CALN1: variants seen among roughly 807,000 people sequenced by gnomAD.
CALN1 encodes the protein calneuron 1.
CALN1 carries 17 observed loss-of-function variants against 30.6 expected under a neutral mutation model. The observed-to-expected ratio is 0.56, with a 90% CI of 0.38 to 0.83. The LOEUF is 0.83. Ranked by LOEUF, CALN1 falls within the 40% of genes least tolerant of loss-of-function variation. The pLI is 0.00. For synonymous variants in CALN1, 156 were observed against 131.4 expected (o/e 1.19, Z -1.28); for missense variants, 291 against 354.9 (o/e 0.82, Z 1.45).
chr7:71,814,378 A>G (rs1434359362), intron 5 of CALN1, among the ~76,000 whole-genome samples: 1 of 152,094 alleles, frequency 6.6e-6, no homozygotes, highest in Non-Finnish European at 1.5e-5. Context: ...AGATTTGATG[A>G]GCATCATGAG....
intron 3 of CALN1, among the ~76,000 whole-genome samples, chr7:72,166,731 T>C (rs889566043): frequency 6.6e-6 from 1 of 152,222 alleles, no homozygotes; most frequent in African/African-American, 2.4e-5. Flanking sequence ...ACTTGTTGGC[T>C]ACCTCTAGCA....
At chr7:71,816,337 A>C (rs1453798247) in intron 5 of CALN1, among the ~76,000 whole-genome samples, 2 of 152,152 alleles carry the variant, frequency 1.3e-5, no homozygotes, top group Non-Finnish European at 2.9e-5. Flanking sequence ...CACTCAGAGA[A>C]AACTCATGGG....
intron 4 of CALN1, among the ~76,000 whole-genome samples, chr7:72,071,234 CA>C (rs1347230888): frequency 1.3e-5 from 2 of 152,006 alleles, no homozygotes; most frequent in African/African-American, 4.8e-5. Flanking sequence ...TCAGGTTGGG[CA>C]AAAAAGCACC....
intron 3 of CALN1, among the ~76,000 whole-genome samples, chr7:72,255,751 G>C (rs1795866567): frequency 7.4e-6 from 1 of 134,830 alleles, no homozygotes; most frequent in Non-Finnish European, 1.6e-5. Flanking sequence ...TTTTTTTTGA[G>C]ACAAAGTCTC....
At chr7:72,423,167 A>G (rs1208743352) in intron 1 of CALN1, among the ~76,000 whole-genome samples, 3 of 151,846 alleles carry the variant, frequency 2.0e-5, no homozygotes, top group Non-Finnish European at 2.9e-5. Context: ...CATCTTATCA[A>G]TTTCACCTAA....
chr7:72,160,569 A>G (rs1788034478), intron 3 of CALN1, among the ~76,000 whole-genome samples: 2 of 152,188 alleles, frequency 1.3e-5, no homozygotes, highest in South Asian at 4.1e-4. Context: ...ATGAGCTACC[A>G]TGCCCAGCCA....
At chr7:72,368,343 A>G (rs1202706017) in intron 2 of CALN1, among the ~76,000 whole-genome samples, 1 of 151,668 alleles carries the variant, frequency 6.6e-6, no homozygotes, top group Non-Finnish European at 1.5e-5. Context: ...TTTTACATAT[A>G]TACACAAAGG....
At chr7:72,110,934 A>G (rs1807527289) in intron 3 of CALN1, among the ~76,000 whole-genome samples, 1 of 152,146 alleles carries the variant, frequency 6.6e-6, no homozygotes, top group Non-Finnish European at 1.5e-5. Context: ...GACGGCTCCC[A>G]GCATTGAGTG....
intron 5 of CALN1, among the ~76,000 whole-genome samples, chr7:71,874,044 G>A (rs1282980608): frequency 2.6e-5 from 4 of 152,146 alleles, no homozygotes; most frequent in African/African-American, 4.8e-5. Context: ...GGAGGCTGAG[G>A]CGGGTGGATC....
upstream of CALN1, among the ~76,000 whole-genome samples, chr7:72,414,248 T>G (rs1216009654): frequency 6.6e-6 from 1 of 152,118 alleles, no homozygotes; most frequent in African/African-American, 2.4e-5. Flanking sequence ...GAATCCTTCG[T>G]TCTGTGCACC....
Position 72,403,267 on chromosome 7 carries a change from G to C in CALN1, c.103C>G (p.Pro35Ala). 1 of 1,549,864 alleles carries C rather than the reference G, an allele frequency of 6.5e-7. No individual in the cohort carries two copies. The highest frequency in any genetic ancestry group is 2.4e-5 in the East Asian group (1 of 40,982). Reference sequence around the variant, plus strand: ...AAGACTTGCCAGGTGGGGAAGTCGGGGGCCTGGCTCCTCGGCGGCTCCTCT... The same window carrying C: ...AAGACTTGCCAGGTGGGGAAGTCGGCGGCCTGGCTCCTCGGCGGCTCCTCT... ...GGEEPPRSQA[P>A]DFPTWEKMPF... Residue 35 changes from proline to alanine, a missense_variant, in exon 2 of 7, where the codon CCC (proline) becomes GCC (alanine). Physicochemically the swap from Pro to Ala is conservative, Grantham distance 27. This residue lies in a region of CALN1 where 122 missense variants were observed against 103.2 expected (regional missense o/e 1.18). Transcript: ENST00000395275.
At chr7:72,269,072 G>A (rs1796789506) in intron 3 of CALN1, among the ~76,000 whole-genome samples, 1 of 152,170 alleles carries the variant, frequency 6.6e-6, no homozygotes, top group Admixed American at 6.5e-5. Context: ...TCACGTAGTA[G>A]CTGCACGAAC....
chr7:72,338,527 G>GTGTGTGTGTGTGTGTGTGTGTGTGTC (rs1190799242), intron 2 of CALN1, among the ~76,000 whole-genome samples: 25 of 144,580 alleles, frequency 1.7e-4, no homozygotes, highest in African/African-American at 5.9e-4. Context: ...GTGTGTGTGT[G>GTGTGTGTGTGTGTGTGTGTGTGTGTC]TCTCACCTGG....
chr7:72,310,919 A>C (rs1165349624), intron 2 of CALN1, among the ~76,000 whole-genome samples: 29 of 151,364 alleles, frequency 1.9e-4, no homozygotes, highest in South Asian at 4.2e-4. Flanking sequence ...AAAAAAAAAA[A>C]AAAAAAAAAC....
At chr7:71,845,916 T>C (rs1308458607) in intron 5 of CALN1, among the ~76,000 whole-genome samples, 3 of 152,060 alleles carry the variant, frequency 2.0e-5, no homozygotes, top group East Asian at 3.9e-4. Context: ...TAGCTGGGCA[T>C]GGGGTGCACA....
At chr7:72,040,287 C>T (rs1209012592) in intron 4 of CALN1, among the ~76,000 whole-genome samples, 2 of 151,150 alleles carry the variant, frequency 1.3e-5, no homozygotes, top group African/African-American at 4.9e-5. Flanking sequence ...CCTGCCTGGG[C>T]AACATAGTGA....
chr7:71,844,194 GA>G (rs1790106650), intron 5 of CALN1, among the ~76,000 whole-genome samples: 1 of 152,078 alleles, frequency 6.6e-6, no homozygotes, highest in African/African-American at 2.4e-5. Flanking sequence ...TCATTCTTGG[GA>G]ATTCCTTTTA....
At chr7:71,986,260 C>A (rs1798669424) in intron 5 of CALN1, among the ~76,000 whole-genome samples, 2 of 152,120 alleles carry the variant, frequency 1.3e-5, no homozygotes, top group South Asian at 2.1e-4. Flanking sequence ...GTTGGTCATG[C>A]TGGTCTCGAA....
At chr7:72,068,249 T>C (rs1804159030) in intron 4 of CALN1, among the ~76,000 whole-genome samples, 1 of 152,226 alleles carries the variant, frequency 6.6e-6, no homozygotes, top group Admixed American at 6.5e-5. Context: ...ATTATATACA[T>C]ACACTATTTA....
Sources: allele counts gnomAD v4.1 joint callset (sites outside exome capture counted in the v4.1 genomes callset), GRCh38; gene constraint gnomAD v4.1.1; regional missense constraint gnomAD v4.1.1; transcripts MANE v1.5; gene names NCBI Gene and HGNC (gene_info 2026-07-23, HGNC 2026-07-21).